The following TNFAIP8 variants were observed in gnomAD, a reference collection of about 807,000 sequenced individuals.
TNFAIP8 encodes TNF alpha induced protein 8, also known as tumor necrosis factor alpha-induced protein 8.
In TNFAIP8, 7 loss-of-function variants were observed where a neutral mutation model predicts 13.3. The ratio of observed to expected loss-of-function variants is 0.52; its 90% confidence interval spans 0.30 to 0.99. The LOEUF is 0.99. Ranked by LOEUF, TNFAIP8 falls within the 50% of genes least tolerant of loss-of-function variation. TNFAIP8 has a pLI of 0.07. For synonymous variants in TNFAIP8, 94 were observed against 87.6 expected (o/e 1.07, Z -0.41); for missense variants, 258 against 236.9 (o/e 1.09, Z -0.58).
chr5:119,295,916 A>T (rs1749160783), intron 1 of TNFAIP8, among the ~76,000 whole-genome samples: 1 of 151,394 alleles, frequency 6.6e-6, no homozygotes, highest in South Asian at 2.1e-4. Flanking sequence ...TTCACTCATG[A>T]TTTGGCTCTC....
intron 1 of TNFAIP8, among the ~76,000 whole-genome samples, chr5:119,275,208 A>G (rs1424706498): frequency 6.6e-6 from 1 of 152,204 alleles, no homozygotes; most frequent in Non-Finnish European, 1.5e-5. Context: ...ACAAGCAACC[A>G]GGTCAAGAAC....
intron 1 of TNFAIP8, among the ~76,000 whole-genome samples, chr5:119,356,763 A>G (rs953321002): frequency 2.7e-5 from 4 of 147,572 alleles, no homozygotes; most frequent in African/African-American, 7.3e-5. Flanking sequence ...TACTCCTAAC[A>G]GAGAACAGGT....
chr5:119,362,877 G>A (rs560962352), intron 1 of TNFAIP8, among the ~76,000 whole-genome samples: 2 of 152,276 alleles, frequency 1.3e-5, no homozygotes, highest in African/African-American at 2.4e-5. Flanking sequence ...GTAATGCCAA[G>A]CTGGCAAGAA....
chr5:119,340,123 A>G (rs1009923160), intron 1 of TNFAIP8, among the ~76,000 whole-genome samples: 6 of 152,230 alleles, frequency 3.9e-5, no homozygotes, highest in Non-Finnish European at 5.9e-5. Flanking sequence ...AGTCAGTTGG[A>G]GCAGAAGAGG....
At chr5:119,278,366 AGAGAGAGAGAGTGTGT>A (rs1561979534) in intron 1 of TNFAIP8, among the ~76,000 whole-genome samples, 17 of 134,350 alleles carry the variant, frequency 1.3e-4, no homozygotes, top group Non-Finnish European at 2.0e-4. Context: ...AGAGAGAGAG[AGAGAGAGAGAGTGTGT>A]GTGTGTGTGT....
Position 119,398,707 on chromosome 5 carries a change from G to A in TNFAIP8, c.*5326G>A, listed in dbSNP as rs987104352. On this transcript the variant is annotated 3_prime_UTR_variant, in exon 2 of 2. Transcript: ENST00000504771. ...AAAAAAAAAAAAGAAACTCTGTCTC[G>A]AAGTAAATAAATAAATTTTTAAAAA... 5.3e-5 allele frequency: 8 copies of A among 151,488 alleles called. No homozygotes were observed. The highest frequency in any genetic ancestry group is 1.9e-4 in the East Asian group (1 of 5,172). The allele number at this position is 151,488 out of a possible 1,614,324, so 9.4% of individuals were successfully genotyped here.
chr5:119,274,288 A>T (rs779997491), intron 1 of TNFAIP8, among the ~76,000 whole-genome samples: 9 of 152,252 alleles, frequency 5.9e-5, no homozygotes, highest in Non-Finnish European at 1.2e-4. Context: ...TTTGGGAAGT[A>T]AGTCCAGTAC....
intron 1 of TNFAIP8, among the ~76,000 whole-genome samples, chr5:119,275,423 G>A (rs17145066): frequency 0.11 from 17,090 of 152,124 alleles, 996 homozygotes; most frequent in African/African-American, 0.15. Context: ...GAACTGGGAT[G>A]GGCATCCTTA....
At position 119,397,730 on chromosome 5, in the gene TNFAIP8, C is replaced by T. The variant is rs1753107881; in HGVS notation, c.*4349C>T. 1 of 152,134 alleles carries T rather than the reference C, an allele frequency of 6.6e-6. No homozygotes were observed. Among genetic ancestry groups the T allele is most frequent in the Non-Finnish European group, 1.5e-5 (1 of 68,018 alleles). 9.4% of individuals were successfully genotyped at this position (152,134 alleles called of 1,614,324 possible). On this transcript the variant is annotated 3_prime_UTR_variant, in exon 2 of 2. Coordinates refer to ENST00000504771, the MANE Select transcript of TNFAIP8 (RefSeq NM_014350.4). ...TTCCAAAATGATGCAACAGGAAAAC[C>T]TTTAACTACTTATAATCCCGTATAG...
intron 1 of TNFAIP8, among the ~76,000 whole-genome samples, chr5:119,343,522 T>C (rs1309782319): frequency 6.6e-6 from 1 of 152,244 alleles, no homozygotes; most frequent in Admixed American, 6.5e-5. Flanking sequence ...ATTATTCTTA[T>C]ATGCTATCAT....
At chr5:119,289,494 A>T (rs1268482133) in intron 1 of TNFAIP8, among the ~76,000 whole-genome samples, 1 of 152,216 alleles carries the variant, frequency 6.6e-6, no homozygotes, top group Non-Finnish European at 1.5e-5. Context: ...TCTTTTAAAG[A>T]TTGGAGAATT....
intron 1 of TNFAIP8, among the ~76,000 whole-genome samples, chr5:119,381,987 C>G (rs1454393632): frequency 2.0e-5 from 3 of 152,066 alleles, no homozygotes; most frequent in Non-Finnish European, 4.4e-5. Flanking sequence ...TGGGTCTTAA[C>G]AAGCTATATA....
intron 1 of TNFAIP8, among the ~76,000 whole-genome samples, chr5:119,272,331 A>G (rs921676601): frequency 3.3e-5 from 5 of 152,206 alleles, no homozygotes; most frequent in Non-Finnish European, 7.3e-5. Context: ...TGTGCCTGGT[A>G]CAGCACACCC....
In TNFAIP8 at chr5:119,397,957, T is replaced by G. The variant is rs992775750; in HGVS notation, c.*4576T>G. The G allele has an allele frequency of 1.1e-4, 16 of 152,228 alleles. 1 individual carries two copies. The highest frequency in any genetic ancestry group is 1.0e-3 in the Admixed American group (16 of 15,278). The allele number at this position is 152,228 out of a possible 1,614,324, so 9.4% of individuals were successfully genotyped here. On this transcript the variant is annotated 3_prime_UTR_variant, in exon 2 of 2. Coordinates refer to ENST00000504771, the MANE Select transcript of TNFAIP8 (RefSeq NM_014350.4). ...AGCAAAGAACATCAGCCCCACGTTATAGGGAACAAGCGAGTCCCAAATCGT... is the reference window on the plus strand; with the variant it reads ...AGCAAAGAACATCAGCCCCACGTTAGAGGGAACAAGCGAGTCCCAAATCGT...
At chr5:119,357,715 C>T (rs1328430438) in intron 1 of TNFAIP8, among the ~76,000 whole-genome samples, 1 of 151,852 alleles carries the variant, frequency 6.6e-6, no homozygotes, top group Non-Finnish European at 1.5e-5. Flanking sequence ...CTCACCTTCC[C>T]TCCACTTGTC....
chr5:119,380,143 A>T (rs1184084370), intron 1 of TNFAIP8, among the ~76,000 whole-genome samples: 1 of 152,264 alleles, frequency 6.6e-6, no homozygotes, highest in Non-Finnish European at 1.5e-5. Context: ...CACTTCTCTT[A>T]TCTGGGTCCC....
intron 1 of TNFAIP8, among the ~76,000 whole-genome samples, chr5:119,358,492 G>C (rs1452070276): frequency 2.6e-5 from 4 of 152,048 alleles, no homozygotes; most frequent in African/African-American, 9.7e-5. Flanking sequence ...TTGTGCTTGG[G>C]TATTAAACAG....
chr5:119,388,827 A>G (rs922360001), intron 1 of TNFAIP8, among the ~76,000 whole-genome samples: 13 of 145,812 alleles, frequency 8.9e-5, no homozygotes, highest in African/African-American at 3.3e-4. Flanking sequence ...TTTTTTTTGT[A>G]GAGACAGGGT....
chr5:119,344,352 G>C (rs250298), intron 1 of TNFAIP8, among the ~76,000 whole-genome samples: 1 of 151,506 alleles, frequency 6.6e-6, no homozygotes, highest in Non-Finnish European at 1.5e-5. Flanking sequence ...GGACTCACTC[G>C]TTACCATGGG....
Sources: allele counts gnomAD v4.1 joint callset (sites outside exome capture counted in the v4.1 genomes callset), GRCh38; gene constraint gnomAD v4.1.1; transcripts MANE v1.5; gene names NCBI Gene and HGNC (gene_info 2026-07-23, HGNC 2026-07-21).